NRXN3: variants seen among roughly 807,000 people sequenced by gnomAD.
NRXN3 encodes the protein neurexin III.
NRXN3 carries 32 observed loss-of-function variants against 137.6 expected under a neutral mutation model. The observed-to-expected ratio is 0.23, with a 90% CI of 0.18 to 0.31. The LOEUF is 0.31. Among genes scored for constraint, NRXN3 ranks in the 10% least tolerant of loss-of-function variants. The pLI, the probability that NRXN3 is intolerant of heterozygous loss-of-function variation, is 1.00. For synonymous variants in NRXN3, 798 were observed against 784.5 expected, an observed-to-expected ratio of 1.02 and a Z score of -0.29; for missense variants, 1,574 against 2,062.5, an observed-to-expected ratio of 0.76 and a Z score of 4.59.
chr14:79,514,130 T>C (rs571819937), intron 16 of NRXN3, among the ~76,000 whole-genome samples: 1 of 152,236 alleles, frequency 6.6e-6, no homozygotes, highest in African/African-American at 2.4e-5. Context: ...TATATAGATA[T>C]GTAGAGATAG....
chr14:78,292,215 A>G (rs1233276650), intron 3 of NRXN3, among the ~76,000 whole-genome samples: 1 of 152,234 alleles, frequency 6.6e-6, no homozygotes, highest in East Asian at 1.9e-4. Flanking sequence ...CTTTGCTTTC[A>G]TAGCCATTTC....
At chr14:78,302,908 A>G (rs80091862) in intron 4 of NRXN3, among the ~76,000 whole-genome samples, 2 of 152,304 alleles carry the variant, frequency 1.3e-5, no homozygotes, top group Non-Finnish European at 2.9e-5. Flanking sequence ...TCCAGTTAGC[A>G]CTTACTCAAT....
chr14:79,519,343 A>C (rs530471293), intron 16 of NRXN3, among the ~76,000 whole-genome samples: 1 of 151,608 alleles, frequency 6.6e-6, no homozygotes, highest in Non-Finnish European at 1.5e-5. Flanking sequence ...ACCCTTTTTA[A>C]TTTTTTTGTA....
intron 17 of NRXN3, among the ~76,000 whole-genome samples, chr14:79,669,937 T>C (rs1406409063): frequency 6.6e-6 from 1 of 152,108 alleles, no homozygotes; most frequent in Non-Finnish European, 1.5e-5. Context: ...TTCACTGATA[T>C]GTAGAAGCTA....
intron 4 of NRXN3, among the ~76,000 whole-genome samples, chr14:78,375,595 AG>A (rs1394676174): frequency 6.6e-6 from 1 of 152,214 alleles, no homozygotes; most frequent in Non-Finnish European, 1.5e-5. Flanking sequence ...CCATGCTCTA[AG>A]GGATAGGCAA....
intron 14 of NRXN3, among the ~76,000 whole-genome samples, chr14:78,978,701 T>G (rs914470906): frequency 6.7e-6 from 1 of 148,236 alleles, no homozygotes; most frequent in African/African-American, 2.5e-5. Flanking sequence ...ATATAGGATA[T>G]ATGCATCTTA....
intron 4 of NRXN3, among the ~76,000 whole-genome samples, chr14:78,507,531 C>T (rs538931935): frequency 2.2e-4 from 33 of 152,262 alleles, no homozygotes; most frequent in African/African-American, 1.2e-4. Context: ...GCATGAGCGA[C>T]GAGTTAGTAA....
At chr14:79,523,212 G>A (rs1288175164) in intron 16 of NRXN3, among the ~76,000 whole-genome samples, 2 of 152,034 alleles carry the variant, frequency 1.3e-5, no homozygotes, top group Non-Finnish European at 2.9e-5. Flanking sequence ...GCAATTTCAG[G>A]TAGCCACATG....
chr14:79,667,086 G>A (rs954512291), intron 17 of NRXN3, among the ~76,000 whole-genome samples: 10 of 151,996 alleles, frequency 6.6e-5, no homozygotes, highest in African/African-American at 1.2e-4. Flanking sequence ...ATAATTTAAA[G>A]TATCATGAGA....
At chr14:78,503,545 A>G (rs2095920465) in intron 4 of NRXN3, among the ~76,000 whole-genome samples, 1 of 152,152 alleles carries the variant, frequency 6.6e-6, no homozygotes, top group African/African-American at 2.4e-5. Context: ...ACTTGGGGTC[A>G]GGCATGAGGT....
intron 15 of NRXN3, among the ~76,000 whole-genome samples, chr14:79,168,525 G>T (rs1323083121): frequency 6.6e-6 from 1 of 151,528 alleles, no homozygotes; most frequent in Non-Finnish European, 1.5e-5. Flanking sequence ...AATTTTTTAG[G>T]TGCTTTTCTT....
chr14:79,192,790 A>G (rs1327729793), intron 15 of NRXN3, among the ~76,000 whole-genome samples: 1 of 37,600 alleles, frequency 2.7e-5, no homozygotes, highest in East Asian at 1.3e-3. Flanking sequence ...TTTTTTTTTG[A>G]GACAGAGTCT....
intron 15 of NRXN3, among the ~76,000 whole-genome samples, chr14:79,135,094 G>T (rs1032335746): frequency 1.3e-5 from 2 of 152,148 alleles, no homozygotes; most frequent in African/African-American, 4.8e-5. Context: ...AAAGGAATAT[G>T]GGAGGTACAT....
rs538577034 is a variant in NRXN3, at chr14:78,849,944, C to A, written c.2275+39600C>A. Among the ~76,000 whole-genome samples, 177 of 152,258 alleles carry A rather than the reference C, an allele frequency of 1.2e-3. 3 individuals carry two copies. In the South Asian group the frequency reaches 0.02, roughly 17 times the overall value. Reference sequence around the variant, plus strand: ...GCAAAGATTTCATGGAGAACAGGAACAATAAGACCCTGTGCCAGAGCACTG... The same window carrying A: ...GCAAAGATTTCATGGAGAACAGGAAAAATAAGACCCTGTGCCAGAGCACTG... On this transcript the variant is annotated intron_variant, in intron 10 of 20. Transcript: ENST00000335750.
chr14:78,363,921 C>A (rs918344674), intron 4 of NRXN3, among the ~76,000 whole-genome samples: 1 of 152,170 alleles, frequency 6.6e-6, no homozygotes, highest in Non-Finnish European at 1.5e-5. Context: ...CTCTATGGAG[C>A]CCTCATGTGG....
chr14:79,615,562 G>A (rs1190803191), intron 16 of NRXN3, among the ~76,000 whole-genome samples: 2 of 152,136 alleles, frequency 1.3e-5, no homozygotes, highest in Non-Finnish European at 2.9e-5. Flanking sequence ...AAAGGAAAGA[G>A]GTTTAATTGA....
intron 8 of NRXN3, among the ~76,000 whole-genome samples, chr14:78,719,958 A>G (rs955556116): frequency 6.6e-6 from 1 of 152,194 alleles, no homozygotes; most frequent in African/African-American, 2.4e-5. Flanking sequence ...TTAAGTCAAC[A>G]TCAGTTTAGC....
At chr14:78,369,072 T>C (rs1392852902) in intron 4 of NRXN3, among the ~76,000 whole-genome samples, 1 of 152,196 alleles carries the variant, frequency 6.6e-6, no homozygotes, top group Non-Finnish European at 1.5e-5. Context: ...CTTGGGTTTC[T>C]GGATTAATCG....
chr14:78,302,642 G>A (rs2076987966), intron 4 of NRXN3, among the ~76,000 whole-genome samples: 1 of 152,132 alleles, frequency 6.6e-6, no homozygotes, highest in South Asian at 2.1e-4. Flanking sequence ...GCCCCACTAA[G>A]GGAGGCACTT....
Sources: allele counts gnomAD v4.1 joint callset (sites outside exome capture counted in the v4.1 genomes callset), GRCh38; gene constraint gnomAD v4.1.1; transcripts MANE v1.5; gene names NCBI Gene and HGNC (gene_info 2026-07-23, HGNC 2026-07-21).